DPF3: variants seen among roughly 807,000 people sequenced by gnomAD.
The protein encoded by DPF3 is double PHD fingers 3, also known as zinc finger protein DPF3.
In DPF3, 18 loss-of-function variants were observed where a neutral mutation model predicts 56.8. The ratio of observed to expected loss-of-function variants is 0.32; its 90% confidence interval spans 0.22 to 0.47. The LOEUF is 0.47. DPF3 is among the 20% of genes least tolerant of loss of function. The pLI is 1.00. For missense variants in DPF3, 403 were observed against 488.8 expected, an observed-to-expected ratio of 0.82 and a Z score of 1.65; for synonymous variants, 188 against 180.2, an observed-to-expected ratio of 1.04 and a Z score of -0.35.
intron 6 of DPF3, among the ~76,000 whole-genome samples, chr14:72,710,306 T>A (rs1475332829): frequency 1.3e-5 from 2 of 152,214 alleles, no homozygotes; most frequent in African/African-American, 4.8e-5. Flanking sequence ...ATTAAGTGAA[T>A]TAAAAATCAA....
At chr14:72,863,100 A>ATATATATATATATATGTG (rs1413440131) in intron 1 of DPF3, among the ~76,000 whole-genome samples, 1 of 110,628 alleles carries the variant, frequency 9.0e-6, no homozygotes, top group African/African-American at 3.5e-5. Flanking sequence ...ATATATATAT[A>ATATATATATATATATGTG]TGTGTGTGTA....
rs559706581 is a variant in DPF3 at position 72,757,577 on chromosome 14, G to C, written c.194-4206C>G. ...TTAGTGACTACCCCTGCTCAGAACC[G>C]GGTAACAGGATCAAAGTTTCCAAAT... On this transcript the variant is annotated intron_variant, in intron 2 of 10. Coordinates refer to ENST00000556509, the MANE Select transcript of DPF3 (RefSeq NM_001280542.3). Among the ~76,000 whole-genome samples, 3 of 151,936 alleles carry C rather than the reference G, an allele frequency of 2.0e-5. No individual in the cohort carries two copies. In the South Asian group the frequency reaches 6.2e-4, roughly 32 times the overall value.
At chr14:72,730,119 G>C (rs188851329) in intron 4 of DPF3, among the ~76,000 whole-genome samples, 17 of 152,066 alleles carry the variant, frequency 1.1e-4, no homozygotes, top group Admixed American at 1.0e-3. Context: ...GCACTATCAG[G>C]GAGACCACTG....
intron 6 of DPF3, among the ~76,000 whole-genome samples, chr14:72,712,621 C>T (rs1210463303): frequency 6.6e-6 from 1 of 152,146 alleles, no homozygotes; most frequent in African/African-American, 2.4e-5. Context: ...ACCTGTAATC[C>T]CAGCACTTTG....
chr14:72,662,136 T>C (rs1258054170), intron 8 of DPF3: 5 of 985,174 alleles, frequency 5.1e-6, no homozygotes, highest in East Asian at 1.1e-4. Context: ...ACACTTTCAA[T>C]AGACTTTTGA....
intron 1 of DPF3, among the ~76,000 whole-genome samples, chr14:72,891,134 G>A (rs542116255): frequency 1.3e-5 from 2 of 152,264 alleles, no homozygotes; most frequent in South Asian, 2.1e-4. Flanking sequence ...AATGTCCCAC[G>A]TGGAAAAAGC....
At chr14:72,777,206 C>T (rs1891778892) in intron 1 of DPF3, among the ~76,000 whole-genome samples, 1 of 152,168 alleles carries the variant, frequency 6.6e-6, no homozygotes. Context: ...TTCACACCGC[C>T]AGAGCCGCCC....
chr14:72,708,760 G>C (rs188635596), intron 6 of DPF3, among the ~76,000 whole-genome samples: 2 of 152,140 alleles, frequency 1.3e-5, no homozygotes, highest in African/African-American at 4.8e-5. Context: ...CCATCCCATC[G>C]CACCTCTTGG....
intron 5 of DPF3, among the ~76,000 whole-genome samples, chr14:72,720,748 C>T (rs1047911878): frequency 1.3e-4 from 20 of 152,288 alleles, no homozygotes; most frequent in Non-Finnish European, 2.4e-4. Flanking sequence ...CCTTACTAGG[C>T]TGAGTGACCT....
chr14:72,732,010 G>T, intron 3 of DPF3, 76 bp from the exon 4 acceptor site: 6 of 1,524,512 alleles, frequency 3.9e-6, no homozygotes, highest in Middle Eastern at 2.1e-4. Flanking sequence ...TGGAGGACAC[G>T]CAGGGCCCAG....
At chr14:72,723,910 G>A (rs140569400) in intron 4 of DPF3, 182 bp from the exon 5 acceptor site, 5,846 of 570,102 alleles carry the variant, frequency 0.01, 77 homozygotes, top group South Asian at 0.043. Context: ...TGGCACTACC[G>A]AGGCTCTCCT....
intron 7 of DPF3, among the ~76,000 whole-genome samples, chr14:72,680,005 C>G (rs1193663977): frequency 6.6e-6 from 1 of 152,102 alleles, no homozygotes; most frequent in Non-Finnish European, 1.5e-5. Flanking sequence ...TCGGCCTAGC[C>G]TTTAATGAGG....
At chr14:72,788,779 G>T (rs529517312) in intron 1 of DPF3, among the ~76,000 whole-genome samples, 5 of 152,316 alleles carry the variant, frequency 3.3e-5, no homozygotes, top group African/African-American at 1.2e-4. Context: ...GGCCAACAAA[G>T]GGGTTGGTGG....
intron 1 of DPF3, among the ~76,000 whole-genome samples, chr14:72,821,489 C>T (rs1883540012): frequency 6.6e-6 from 1 of 151,638 alleles, no homozygotes. Context: ...CTAGGATAAG[C>T]CACTAGGTTG....
chr14:72,810,009 T>C (rs1882965876), intron 1 of DPF3, among the ~76,000 whole-genome samples: 1 of 152,200 alleles, frequency 6.6e-6, no homozygotes, highest in South Asian at 2.1e-4. Flanking sequence ...GGAAAGCACT[T>C]AGCACTGTGC....
Position 72,609,188 on chromosome 14 carries a change from C to T in DPF3, c.*10109G>A, listed in dbSNP as rs1883581424. On this transcript the variant is annotated 3_prime_UTR_variant, in exon 11 of 11. Coordinates refer to ENST00000556509, the MANE Select transcript of DPF3 (RefSeq NM_001280542.3). ...TTGTGACTCAGTCTTTGAGAACGTG[C>T]GAGCATTCCATGGGATATCGAGGGG... 6.6e-6 allele frequency among the ~76,000 whole-genome samples: 1 copy of T among 152,146 alleles called. No homozygotes were observed. Among genetic ancestry groups the T allele is most frequent in the Non-Finnish European group, 1.5e-5 (1 of 68,016 alleles).
chr14:72,663,197 T>G (rs544018014), intron 8 of DPF3, among the ~76,000 whole-genome samples: 11 of 137,624 alleles, frequency 8.0e-5, no homozygotes, highest in Admixed American at 1.5e-4. Flanking sequence ...CCCCTCCACT[T>G]AGAAACCAAA....
At chr14:72,634,155 C>A (rs920912482) in intron 8 of DPF3, among the ~76,000 whole-genome samples, 1 of 152,074 alleles carries the variant, frequency 6.6e-6, no homozygotes, top group Non-Finnish European at 1.5e-5. Flanking sequence ...ATCACTCAAG[C>A]GCAAGAAGAA....
At chr14:72,624,246 C>T (rs189972425) in intron 9 of DPF3, among the ~76,000 whole-genome samples, 67 of 151,040 alleles carry the variant, frequency 4.4e-4, no homozygotes, top group Middle Eastern at 3.5e-3. Context: ...AGCAGAATTA[C>T]GAAAATCAGA....
Sources: gnomAD v4.1 joint callset for allele counts (sites outside exome capture counted in the v4.1 genomes callset) on GRCh38, gnomAD v4.1.1 for gene constraint, MANE v1.5 for transcripts, NCBI Gene and HGNC (gene_info 2026-07-23, HGNC 2026-07-21) for gene names.